Variants in STIL observed in about 807,000 individuals in gnomAD.
STIL encodes the protein STIL centriolar assembly protein.
Under a neutral mutation model 110.1 loss-of-function variants are expected in STIL, and 55 were observed. The ratio of observed to expected loss-of-function variants is 0.50; its 90% CI spans 0.40 to 0.63. STIL has a LOEUF of 0.63. STIL is among the 20% of genes least tolerant of loss of function. The probability of loss-of-function intolerance (pLI) is 0.00; values close to 1 mark genes in which losing one functional copy is unlikely to be tolerated. For missense variants in STIL, 1,358 were observed against 1,530.0 expected (o/e 0.89, Z 1.87); for synonymous variants, 481 against 530.0 (o/e 0.91, Z 1.27).
chr1:47,314,271 G>A (rs1646225089), upstream of STIL: 1 of 152,278 alleles, frequency 6.6e-6, no homozygotes, highest in Non-Finnish European at 1.5e-5. Context: ...GTTACGTATT[G>A]GTGTGCCGAC....
At position 47,280,807 on chromosome 1, in the gene STIL, A is replaced by G. The variant is rs1235097581; in HGVS notation, c.1651T>C (p.Tyr551His). Reference protein sequence around the residue: ...VSAGNVQNEEYPIRPSTLNSR... With the variant: ...VSAGNVQNEEHPIRPSTLNSR... ...TTAAGTGTGGAGGGTCTTATAGGAT[A>G]CTCTTCGTTTTGTACATTTCCAGCA... The change falls in exon 12 of 17, where the codon TAT (tyrosine) becomes CAT (histidine). Residue 551 changes from tyrosine (Y) to histidine (H), a missense_variant. Coordinates refer to ENST00000371877, the MANE Select transcript of STIL (RefSeq NM_001048166.1). The G allele has an allele frequency of 1.2e-6, 2 of 1,613,938 alleles. No homozygotes were observed. The highest frequency in any genetic ancestry group is 2.2e-5 in the South Asian group (2 of 91,056).
At chr1:47,309,058 A>G (rs1393423130) in intron 2 of STIL, among the ~76,000 whole-genome samples, 1 of 151,974 alleles carries the variant, frequency 6.6e-6, no homozygotes, top group Admixed American at 6.6e-5. Context: ...TCTCCAAAAA[A>G]AAAAAAAAAT....
intron 14 of STIL, among the ~76,000 whole-genome samples, chr1:47,267,101 C>G (rs1317614253): frequency 6.6e-6 from 1 of 152,150 alleles, no homozygotes; most frequent in Non-Finnish European, 1.5e-5. Context: ...TGACTGGCTC[C>G]TTCTCATCAT....
intron 2 of STIL, among the ~76,000 whole-genome samples, chr1:47,309,008 C>T (rs922614941): frequency 1.1e-4 from 16 of 150,812 alleles, no homozygotes; most frequent in African/African-American, 2.7e-4. Flanking sequence ...GCCGAGATGG[C>T]GCCACTGCCC....
At chr1:47,260,708 A>G (rs1030668907) in intron 15 of STIL, among the ~76,000 whole-genome samples, 169 bp from the exon 16 acceptor site, 4 of 152,100 alleles carry the variant, frequency 2.6e-5, no homozygotes, top group African/African-American at 9.7e-5. Flanking sequence ...TGTCTCTACA[A>G]AAAACTAAAA....
At chr1:47,259,065 C>CAAG (rs1306241329) in intron 16 of STIL, among the ~76,000 whole-genome samples, 1 of 125,236 alleles carries the variant, frequency 8.0e-6, no homozygotes, top group African/African-American at 3.0e-5. Context: ...CGGCTCACTG[C>CAAG]AAGCTCTGCC....
chr1:47,287,541 G>A lies in STIL; in HGVS notation c.1133+10C>T, dbSNP rs539623822. 1.9e-6 allele frequency: 3 copies of A among 1,576,648 alleles called. No homozygotes were observed. Among genetic ancestry groups the A allele is most frequent in the Admixed American group, 3.4e-5 (2 of 58,690 alleles). ...AAAAACACACACATAATAACAAAAA[G>A]ATCTTTTACCTCTTAATTGAAAAAT... On this transcript the variant is annotated intron_variant, in intron 10 of 16. Transcript: ENST00000371877.
At chr1:47,289,789 G>A (rs181953249) in intron 8 of STIL, among the ~76,000 whole-genome samples, 19 of 152,166 alleles carry the variant, frequency 1.2e-4, no homozygotes, top group Admixed American at 7.2e-4. Context: ...TGTCAACATA[G>A]TGAGACCCTT....
chr1:47,296,271 T>C (rs1237019224), intron 6 of STIL, among the ~76,000 whole-genome samples: 2 of 152,190 alleles, frequency 1.3e-5, no homozygotes, highest in East Asian at 3.9e-4. Flanking sequence ...AGATGTGACT[T>C]CTAAGTGAAG....
chr1:47,270,253 T>TACACACACACACAC (rs1378109646), intron 13 of STIL, among the ~76,000 whole-genome samples: 2 of 118,212 alleles, frequency 1.7e-5, no homozygotes, highest in Non-Finnish European at 1.6e-5. Flanking sequence ...TATATATATA[T>TACACACACACACAC]ATACACACAC....
At chr1:47,268,123 C>G (rs1644707228) in intron 14 of STIL, among the ~76,000 whole-genome samples, 1 of 152,172 alleles carries the variant, frequency 6.6e-6, no homozygotes, top group Non-Finnish European at 1.5e-5. Context: ...AAAATAGACT[C>G]TTTTATATAT....
At chr1:47,259,479 C>T (rs12029934) in intron 16 of STIL, among the ~76,000 whole-genome samples, 10,295 of 151,400 alleles carry the variant, frequency 0.068, 588 homozygotes, top group East Asian at 0.3. Context: ...TTAGTAGAGA[C>T]GGGGTTTCAC....
intron 14 of STIL, among the ~76,000 whole-genome samples, chr1:47,266,187 A>G (rs564799357): frequency 6.6e-6 from 1 of 152,330 alleles, no homozygotes; most frequent in African/African-American, 2.4e-5. Flanking sequence ...TTATCATATG[A>G]TTAAAACATA....
Position 47,287,607 on chromosome 1 carries a change from G to A in STIL, c.1077C>T (p.Ser359=), listed in dbSNP as rs780021855. 9 of 1,612,506 alleles carry A rather than the reference G, an allele frequency of 5.6e-6. No individual in the cohort carries two copies. The highest frequency in any genetic ancestry group is 6.8e-6 in the Non-Finnish European group (8 of 1,179,232). Residue 359 remains serine (S), a synonymous_variant, in exon 10 of 17, where the codon AGC becomes AGT. Coordinates refer to ENST00000371877, the MANE Select transcript of STIL (RefSeq NM_001048166.1). The part of the protein sequence containing the change: ...NPIRCELSAE[S]QNAETEFFSK... Reference sequence around the variant, plus strand: ...TGAAAAACTCTGTTTCTGCATTTTGGCTTTCAGCGCTCAGTTCACAACGGA... The same window carrying A: ...TGAAAAACTCTGTTTCTGCATTTTGACTTTCAGCGCTCAGTTCACAACGGA...
intron 8 of STIL, among the ~76,000 whole-genome samples, chr1:47,289,866 A>C (rs966390958): frequency 1.4e-5 from 2 of 145,338 alleles, no homozygotes; most frequent in African/African-American, 5.2e-5. Flanking sequence ...TGAACCCGGG[A>C]GGCGGAGCTT....
At chr1:47,310,888 T>C (rs959057784) in intron 1 of STIL, among the ~76,000 whole-genome samples, 1 of 152,166 alleles carries the variant, frequency 6.6e-6, no homozygotes, top group Non-Finnish European at 1.5e-5. Context: ...CTTGTTCTGT[T>C]GCTAGGCTGG....
intron 5 of STIL, among the ~76,000 whole-genome samples, chr1:47,300,474 T>TC (rs33978896): frequency 8.6e-4 from 31 of 36,000 alleles, no homozygotes; most frequent in African/African-American, 1.2e-3. Context: ...ATAAAATAAT[T>TC]TTTTTTTTTT....
intron 4 of STIL, 21 bp downstream of exon 4, chr1:47,302,213 C>T: frequency 1.9e-6 from 3 of 1,564,064 alleles, no homozygotes; most frequent in Non-Finnish European, 2.6e-6. Context: ...GAGCACTGGT[C>T]CATTTTTAAA....
rs199528352 is a variant in STIL at position 47,251,282 on chromosome 1, G to A, written c.3721C>T (p.His1241Tyr). ...LRTGKAEFTQ[H>Y]PEKENEGDIT... ...TCCCCTTCATTTTCTTTCTCAGGAT[G>A]TTGAGTGAACTCTGCTTTCCCGGTT... Residue 1241 changes from histidine to tyrosine, a missense_variant, in exon 17 of 17, where the codon CAT becomes TAT. By Grantham distance (83) the His-to-Tyr change is moderately conservative (BLOSUM62 2). Transcript: ENST00000371877. The A allele has an allele frequency of 6.2e-7, 1 of 1,613,154 alleles. No homozygotes were observed.
Sources: gnomAD v4.1 joint callset for allele counts (sites outside exome capture counted in the v4.1 genomes callset) on GRCh38, gnomAD v4.1.1 for gene constraint, MANE v1.5 for transcripts, NCBI Gene and HGNC (gene_info 2026-07-23, HGNC 2026-07-21) for gene names.